AHCTF1: variants seen among roughly 807,000 people sequenced by gnomAD.
The protein encoded by AHCTF1 is protein ELYS.
AHCTF1 carries 24 observed loss-of-function variants against 248.4 expected under a neutral mutation model. The observed-to-expected ratio is 0.10, with a 90% CI of 0.07 to 0.14. The LOEUF (loss-of-function observed/expected upper bound fraction) is 0.14. Ranked by LOEUF, AHCTF1 falls within the 10% of genes least tolerant of loss-of-function variation. The pLI is 1.00. For synonymous variants in AHCTF1, 786 were observed against 929.8 expected (o/e 0.85, Z 2.81); for missense variants, 2,206 against 2,636.2 (o/e 0.84, Z 3.57).
chr1:246,870,187 T>A (rs1662481436), intron 24 of AHCTF1, among the ~76,000 whole-genome samples: 2 of 152,190 alleles, frequency 1.3e-5, no homozygotes, highest in African/African-American at 4.8e-5. Flanking sequence ...CTCATGCCTG[T>A]AATCCCAGTA....
rs893889902 is a variant in AHCTF1 at position 246,842,759 on chromosome 1, T to G, written c.6543A>C (p.Ser2181=). The G allele has an allele frequency of 1.9e-6, 3 of 1,613,532 alleles. No individual in the cohort carries two copies. Among genetic ancestry groups the G allele is most frequent in the African/African-American group, 2.7e-5 (2 of 74,926 alleles). The change falls in exon 35 of 36, where the codon TCA becomes TCC. Residue 2181 remains serine, a synonymous_variant. Transcript: ENST00000648844. Reference sequence around the variant, plus strand: ...CTTTTGGCTTTCCCAGAGTTTCTACTGATTGTGCATCATCTTTCTATGGGT... The same window carrying G: ...CTTTTGGCTTTCCCAGAGTTTCTACGGATTGTGCATCATCTTTCTATGGGT... ...LEDELKDDAQ[S]VETLGKPKAK...
intron 31 of AHCTF1, among the ~76,000 whole-genome samples, chr1:246,854,231 G>A (rs1362390113): frequency 3.6e-5 from 5 of 139,144 alleles, no homozygotes; most frequent in African/African-American, 8.0e-5. Context: ...CCTGGGAGGC[G>A]GAGCTTGCAG....
chr1:246,883,250 T>C (rs538791539), intron 21 of AHCTF1, among the ~76,000 whole-genome samples: 1 of 152,330 alleles, frequency 6.6e-6, no homozygotes, highest in African/African-American at 2.4e-5. Context: ...GTTGGACTAT[T>C]ATGCAGCTTA....
At chr1:246,909,154 G>A (rs1330001461) in intron 4 of AHCTF1, among the ~76,000 whole-genome samples, 1 of 149,322 alleles carries the variant, frequency 6.7e-6, no homozygotes, top group Non-Finnish European at 1.5e-5. Flanking sequence ...GCTCATGCCT[G>A]TAATCCCAGC....
At chr1:246,907,175 G>GT (rs1341903785) in intron 5 of AHCTF1, among the ~76,000 whole-genome samples, 1 of 152,106 alleles carries the variant, frequency 6.6e-6, no homozygotes, top group African/African-American at 2.4e-5. Context: ...TAACACAATG[G>GT]TATCTTAAAC....
chr1:246,881,970 G>A (rs760722141), intron 21 of AHCTF1, among the ~76,000 whole-genome samples: 14 of 149,926 alleles, frequency 9.3e-5, no homozygotes, highest in Non-Finnish European at 1.8e-4. Context: ...ATGAGCCACC[G>A]TGCCTGGCCT....
rs1661774757 is a variant in AHCTF1, at chr1:246,864,077, A to C, written c.3387T>G (p.Ser1129=). 6.2e-7 allele frequency: 1 copy of C among 1,614,048 alleles called. No individual in the cohort carries two copies. The highest frequency in any genetic ancestry group is 8.5e-7 in the Non-Finnish European group (1 of 1,180,012). Residue 1129 remains serine (S), a synonymous_variant, in exon 27 of 36, where the codon TCT becomes TCG. Transcript: ENST00000648844. Reference sequence around the variant, plus strand: ...TTTGCTGAATAAACTCCGAACACTGAGAAGGCCGGGGGACAGGCTGAACAA... The same window carrying C: ...TTTGCTGAATAAACTCCGAACACTGCGAAGGCCGGGGGACAGGCTGAACAA... The part of the protein sequence containing the change: ...DLVVQPVPRP[S]QCSEFIQQSS...
In AHCTF1 at chr1:246,840,880, C is replaced by A; in HGVS notation, c.6727G>T (p.Gly2243Ter). 1.9e-6 allele frequency: 3 copies of A among 1,613,444 alleles called. No individual in the cohort carries two copies. The highest frequency in any genetic ancestry group is 2.5e-6 in the Non-Finnish European group (3 of 1,179,680). Residue 2243 changes from glycine to a stop codon, truncating the protein, a stop_gained, in exon 36 of 36, where the codon GGA becomes TGA. Transcript: ENST00000648844. LOFTEE classifies it high-confidence loss of function. Reference protein sequence around the residue: ...SKPRKTTEVTGTGLGRNRKKL... With the variant: ...SKPRKTTEVT ...TTTCTGTTCCTTCCAAGACCTGTTC[C>A]TGTCACTTCTGTAGTTTTTCTTGGT...
chr1:246,842,160 G>A (rs1659917926), intron 35 of AHCTF1, among the ~76,000 whole-genome samples: 1 of 152,094 alleles, frequency 6.6e-6, no homozygotes, highest in African/African-American at 2.4e-5. Context: ...ACCTTCAGCA[G>A]TGAAATCTAA....
Position 246,876,935 on chromosome 1 carries a change from C to T in AHCTF1, c.2937+15G>A. On this transcript the variant is annotated intron_variant, in intron 23 of 35. Transcript: ENST00000648844. ...TATTCTCTTATCCCCCATAATAAGA[C>T]AACTTTAATCGTACCATAACATTAA... 1.2e-6 allele frequency: 2 copies of T among 1,610,702 alleles called. No individual in the cohort carries two copies. Among genetic ancestry groups the T allele is most frequent in the Non-Finnish European group, 1.7e-6 (2 of 1,179,308 alleles).
At position 246,850,497 on chromosome 1, in the gene AHCTF1, T is replaced by C. The variant is rs1482470237; in HGVS notation, c.5509A>G (p.Thr1837Ala). ...SSVEQELQIT[T>A]GRESKRLKSS... Reference sequence around the variant, plus strand: ...TTTAATCTTTTTGATTCCCTACCTGTAGTGATCTGTAATTCTTGTTCCACA... The same window carrying C: ...TTTAATCTTTTTGATTCCCTACCTGCAGTGATCTGTAATTCTTGTTCCACA... The change falls in exon 33 of 36, where the codon ACA (threonine) becomes GCA (alanine). Residue 1837 changes from threonine to alanine, a missense_variant. By Grantham distance (58) the Thr-to-Ala change is moderately conservative. Around this residue, in one of 6 missense-constraint regions of AHCTF1, gnomAD observed 29 missense variants for 57.1 expected, o/e 0.51. Transcript: ENST00000648844. 9 of 1,601,824 alleles carry C rather than the reference T, an allele frequency of 5.6e-6. No individual in the cohort carries two copies. Among genetic ancestry groups the C allele is most frequent in the South Asian group, 5.6e-5 (5 of 89,288 alleles).
chr1:246,903,467 G>A (rs1401342749), intron 7 of AHCTF1, among the ~76,000 whole-genome samples: 1 of 152,108 alleles, frequency 6.6e-6, no homozygotes, highest in African/African-American at 2.4e-5. Flanking sequence ...TGGGTAAATA[G>A]GTAAAACAGA....
At chr1:246,910,061 T>C (rs772078783) in intron 4 of AHCTF1, among the ~76,000 whole-genome samples, 2 of 152,234 alleles carry the variant, frequency 1.3e-5, no homozygotes, top group Non-Finnish European at 2.9e-5. Context: ...TGTCTCCTGA[T>C]GTGATACAAT....
chr1:246,923,681 T>G (rs1303329539), intron 1 of AHCTF1, among the ~76,000 whole-genome samples: 4 of 152,202 alleles, frequency 2.6e-5, no homozygotes, highest in Non-Finnish European at 5.9e-5. Context: ...GTGGTGGAAG[T>G]GACACATTGC....
intron 13 of AHCTF1, 72 bp from the exon 14 acceptor site, chr1:246,894,820 G>A (rs1160300473): frequency 2.3e-6 from 3 of 1,321,956 alleles, no homozygotes; most frequent in Non-Finnish European, 3.2e-6. Flanking sequence ...TGTTGGTGGA[G>A]AAGCATGGCA....
chr1:246,861,259 G>T lies in AHCTF1; in HGVS notation c.3772C>A (p.Pro1258Thr), dbSNP rs150123190. 9 of 1,612,078 alleles carry T rather than the reference G, an allele frequency of 5.6e-6. No individual in the cohort carries two copies. The Admixed American group carries it at 8.4e-5, about 15-fold the overall frequency. ...DDSKLEVFTT[P>T]KKCAVPVETE... ...TCCACTGGAACTGCACATTTTTTAG[G>T]TGTAGTAAATACTTCTAATTTGCTA... Residue 1258 changes from proline (P) to threonine (T), a missense_variant, in exon 29 of 36, where the codon CCT becomes ACT. Pro to Thr is a conservative substitution (Grantham distance 38). Transcript: ENST00000648844.
chr1:246,866,061 G>A lies in AHCTF1; in HGVS notation c.3347+1183C>T, dbSNP rs150290650. Among the ~76,000 whole-genome samples the A allele has an allele frequency of 5.8e-4, 89 of 152,142 alleles. 1 individual carries two copies. The East Asian group carries it at 0.014, about 23-fold the overall frequency. The stretch of plus-strand genomic sequence containing the variant: ...CAGCCTTACTATATGATGTACCCAC[G>A]GATGTTATCTATTCTGCCTTATTTC... On this transcript the variant is annotated intron_variant, in intron 26 of 35. Transcript: ENST00000648844.
In AHCTF1 at chr1:246,916,190, A is replaced by G; in HGVS notation, c.327T>C (p.Tyr109=). The G allele has an allele frequency of 1.2e-6, 2 of 1,612,506 alleles. No individual in the cohort carries two copies. Among genetic ancestry groups the G allele is most frequent in the East Asian group, 2.2e-5 (1 of 44,858 alleles). Residue 109 remains tyrosine (Y), a synonymous_variant, in exon 3 of 36, where the codon TAT becomes TAC. Transcript: ENST00000648844. ...EETEGSVLCL[Y]DLGISKVVKA... ...TAACTACTTTTGATATTCCAAGGTC[A>G]TAAAGACAGAGAACACTCCCTTCTG...
Position 246,930,315 on chromosome 1 carries a change from CATG to C in AHCTF1, c.-8+1260_-8+1262del, listed in dbSNP as rs771828269. 5.3e-5 allele frequency among the ~76,000 whole-genome samples: 8 copies of C among 151,784 alleles called. No individual in the cohort carries two copies. In the East Asian group the frequency reaches 1.4e-3, roughly 26 times the overall value. On this transcript the variant is annotated intron_variant, in intron 1 of 35. Transcript: ENST00000648844. ...AGAGGCGCCACCAATTCCCGGTTGA[CATG>C]ATGTTTTAAAAATTTTTTCAAGATA...
Sources: gnomAD v4.1 joint callset for allele counts (sites outside exome capture counted in the v4.1 genomes callset) on GRCh38, gnomAD v4.1.1 for gene constraint, gnomAD v4.1.1 regional missense constraint, MANE v1.5 for transcripts, NCBI Gene and HGNC (gene_info 2026-07-23, HGNC 2026-07-21) for gene names.